SLC39A11: variants seen among roughly 807,000 people sequenced by gnomAD.
SLC39A11 encodes the protein solute carrier family 39 member 11.
A neutral mutation model predicts 36.1 loss-of-function variants in SLC39A11; 33 were observed. The observed-to-expected ratio is 0.91, with a 90% confidence interval of 0.69 to 1.22. The LOEUF (loss-of-function observed/expected upper bound fraction) is 1.22, where lower values mean the gene tolerates loss of function less well. Ranked by LOEUF, SLC39A11 falls within the 50% of genes most tolerant of loss-of-function variation. SLC39A11 has a pLI of 0.00. For missense variants in SLC39A11, 432 were observed against 430.3 expected, an observed-to-expected ratio of 1.00 and a Z score of -0.03; for synonymous variants, 166 against 170.3, an observed-to-expected ratio of 0.97 and a Z score of 0.20.
At chr17:72,666,557 T>C (rs985306258) in intron 7 of SLC39A11, among the ~76,000 whole-genome samples, 1 of 152,208 alleles carries the variant, frequency 6.6e-6, no homozygotes, top group African/African-American at 2.4e-5. Context: ...ATGCAAAACA[T>C]ACAGAAGGGG....
chr17:72,907,104 G>A (rs755024971), intron 5 of SLC39A11, among the ~76,000 whole-genome samples: 1 of 152,242 alleles, frequency 6.6e-6, no homozygotes, highest in South Asian at 2.1e-4. Context: ...AGGAAGCAGT[G>A]AGATATTTCC....
intron 4 of SLC39A11, among the ~76,000 whole-genome samples, chr17:73,028,822 A>AC (rs1260319391): frequency 5.9e-5 from 9 of 151,956 alleles, no homozygotes; most frequent in Admixed American, 1.3e-4. Context: ...AAAAAAAAAA[A>AC]AAAACACTGC....
At chr17:73,009,096 G>A (rs2090361719) in intron 4 of SLC39A11, among the ~76,000 whole-genome samples, 1 of 150,408 alleles carries the variant, frequency 6.6e-6, no homozygotes, top group East Asian at 1.9e-4. Flanking sequence ...GGGCGGGGTG[G>A]CTCACGCCTG....
chr17:72,773,542 G>A (rs2076023385), intron 6 of SLC39A11, among the ~76,000 whole-genome samples: 1 of 151,974 alleles, frequency 6.6e-6, no homozygotes, highest in Non-Finnish European at 1.5e-5. Flanking sequence ...CAGCCACATG[G>A]AATTGTGAGT....
At chr17:72,984,990 A>T (rs2088607687) in intron 4 of SLC39A11, among the ~76,000 whole-genome samples, 1 of 152,238 alleles carries the variant, frequency 6.6e-6, no homozygotes, top group African/African-American at 2.4e-5. Flanking sequence ...GGAACAAAGA[A>T]TTCTCCCCTC....
intron 4 of SLC39A11, among the ~76,000 whole-genome samples, chr17:72,953,659 C>T (rs372643886): frequency 3.3e-5 from 5 of 152,302 alleles, no homozygotes; most frequent in Admixed American, 2.6e-4. Flanking sequence ...TAAGGCCCCC[C>T]CTACAAAGCA....
At chr17:72,674,974 G>A (rs199848048) in intron 7 of SLC39A11, among the ~76,000 whole-genome samples, 1 of 105,224 alleles carries the variant, frequency 9.5e-6, no homozygotes, top group Non-Finnish European at 2.0e-5. Flanking sequence ...GGAAAAAAAA[G>A]TGTGTGTGCG....
chr17:72,677,492 T>C (rs1317039201), intron 7 of SLC39A11, among the ~76,000 whole-genome samples: 1 of 152,188 alleles, frequency 6.6e-6, no homozygotes, highest in Non-Finnish European at 1.5e-5. Flanking sequence ...GAATCTCAAA[T>C]TGAATGCATC....
At chr17:73,073,599 C>G (rs1369610608) in intron 3 of SLC39A11, 1 of 152,190 alleles carries the variant, frequency 6.6e-6, no homozygotes, top group Non-Finnish European at 1.5e-5. Flanking sequence ...AAGAATAGAA[C>G]CTTGGAGGCC....
intron 4 of SLC39A11, among the ~76,000 whole-genome samples, chr17:73,025,344 GAA>G (rs1301705858): frequency 6.6e-6 from 1 of 152,134 alleles, no homozygotes; most frequent in African/African-American, 2.4e-5. Context: ...CATCTCCCAG[GAA>G]AAAGTCTGCC....
chr17:72,678,472 C>T (rs998976785), intron 7 of SLC39A11, among the ~76,000 whole-genome samples: 7 of 151,918 alleles, frequency 4.6e-5, no homozygotes, highest in African/African-American at 7.3e-5. Flanking sequence ...TTTGGGAGGC[C>T]GAGGCGGGCA....
chr17:72,754,045 T>TATATATATATAC (rs1491202409), intron 6 of SLC39A11, among the ~76,000 whole-genome samples: 1 of 53,270 alleles, frequency 1.9e-5, no homozygotes, highest in African/African-American at 6.1e-5. Flanking sequence ...TATATATATA[T>TATATATATATAC]ACACATACAC....
intron 7 of SLC39A11, among the ~76,000 whole-genome samples, chr17:72,656,284 G>C (rs550267366): frequency 6.6e-6 from 1 of 152,126 alleles, no homozygotes; most frequent in Non-Finnish European, 1.5e-5. Flanking sequence ...TCTGGACCAC[G>C]ACACATTAAT....
intron 7 of SLC39A11, among the ~76,000 whole-genome samples, chr17:72,729,480 TAGAGACAGG>T (rs2074128807): frequency 1.2e-5 from 1 of 85,522 alleles, no homozygotes; most frequent in South Asian, 4.0e-4. Context: ...TTTTTTTTTG[TAGAGACAGG>T]GTTTCATCAT....
At chr17:72,900,711 T>C (rs2082351600) in intron 5 of SLC39A11, among the ~76,000 whole-genome samples, 1 of 152,136 alleles carries the variant, frequency 6.6e-6, no homozygotes, top group African/African-American at 2.4e-5. Flanking sequence ...CTAGGAATGA[T>C]TGATGGGTGA....
At chr17:72,898,560 A>C (rs747189850) in intron 5 of SLC39A11, among the ~76,000 whole-genome samples, 12 of 152,308 alleles carry the variant, frequency 7.9e-5, no homozygotes, top group Non-Finnish European at 1.8e-4. Context: ...GATTTCATTG[A>C]AAACTCTTCA....
At chr17:72,666,838 T>C in intron 7 of SLC39A11, among the ~76,000 whole-genome samples, 1 of 152,352 alleles carries the variant, frequency 6.6e-6, no homozygotes. Context: ...GTCTTGTTGT[T>C]TGACAACCAG....
At chr17:72,669,977 T>C (rs1030176517) in intron 7 of SLC39A11, among the ~76,000 whole-genome samples, 3 of 148,850 alleles carry the variant, frequency 2.0e-5, no homozygotes, top group Non-Finnish European at 3.0e-5. Context: ...TAGATGTATA[T>C]ACACATATAT....
chr17:73,086,648 C>A (rs1463532977), intron 2 of SLC39A11, among the ~76,000 whole-genome samples: 2 of 152,010 alleles, frequency 1.3e-5, no homozygotes, highest in Non-Finnish European at 2.9e-5. Flanking sequence ...AGTGAAACCC[C>A]ATCTCCACTA....
Sources: gnomAD v4.1 joint callset for allele counts (sites outside exome capture counted in the v4.1 genomes callset) on GRCh38, gnomAD v4.1.1 for gene constraint, MANE v1.5 for transcripts, NCBI Gene and HGNC (gene_info 2026-07-23, HGNC 2026-07-21) for gene names.